Variants in SLCO2A1 observed in about 807,000 individuals in gnomAD.
SLCO2A1 encodes matrin F/G 1.
A neutral mutation model predicts 71.7 loss-of-function variants in SLCO2A1; 60 were observed. The ratio of observed to expected loss-of-function variants is 0.84; its 90% CI spans 0.68 to 1.04. The LOEUF (loss-of-function observed/expected upper bound fraction) is 1.04, where lower values mean the gene tolerates loss of function less well. Among genes scored for constraint, SLCO2A1 ranks in the 50% least tolerant of loss-of-function variants. The pLI is 0.00. For synonymous variants in SLCO2A1, 308 were observed against 326.7 expected (o/e 0.94, Z 0.62); for missense variants, 745 against 813.4 (o/e 0.92, Z 1.02).
chr3:134,005,674 G>C (rs561680905), intron 1 of SLCO2A1, among the ~76,000 whole-genome samples: 23 of 151,918 alleles, frequency 1.5e-4, no homozygotes, highest in Non-Finnish European at 2.6e-4. Flanking sequence ...GTAGAGACAG[G>C]GTTTCACCAT....
intron 2 of SLCO2A1, among the ~76,000 whole-genome samples, chr3:133,977,911 T>G (rs897636791): frequency 5.9e-5 from 9 of 151,462 alleles, no homozygotes; most frequent in Non-Finnish European, 1.3e-4. Context: ...AAGCTCAGGA[T>G]AGCAATACAA....
At chr3:133,947,116 G>A (rs1358719036) in intron 9 of SLCO2A1, 140 bp downstream of exon 9, 11 of 667,864 alleles carry the variant, frequency 1.6e-5, no homozygotes, top group South Asian at 8.9e-5. Flanking sequence ...CCTGGGTGAC[G>A]GAGCGAGACT....
At chr3:133,943,737 A>G (rs1366006967) in intron 10 of SLCO2A1, among the ~76,000 whole-genome samples, 1 of 152,258 alleles carries the variant, frequency 6.6e-6, no homozygotes, top group African/African-American at 2.4e-5. Context: ...AGAAAACCAC[A>G]GAAGCCACCA....
At chr3:133,943,021 A>T (rs1451413492) in intron 10 of SLCO2A1, among the ~76,000 whole-genome samples, 1 of 152,190 alleles carries the variant, frequency 6.6e-6, no homozygotes, top group African/African-American at 2.4e-5. Context: ...CAGAAGTCAT[A>T]TCTGCCTCTG....
chr3:133,941,171 T>C (rs372847663), intron 11 of SLCO2A1, among the ~76,000 whole-genome samples: 127 of 152,300 alleles, frequency 8.3e-4, no homozygotes, highest in African/African-American at 2.9e-3. Flanking sequence ...CACTTATAAA[T>C]AGGGTAAAAT....
rs545488346 is a variant in SLCO2A1 at position 134,028,660 on chromosome 3, C to T, written c.96+1047G>A. Among the ~76,000 whole-genome samples the T allele has an allele frequency of 1.1e-4, 17 of 152,248 alleles. No homozygotes were observed. In the South Asian group the frequency reaches 3.5e-3, roughly 32 times the overall value. ...TCTGGCTTCCCCTTAATTGCACCAC[C>T]GGAGGCTTTACTCAGTCCCATCTGA... On this transcript the variant is annotated intron_variant, in intron 1 of 13. Transcript: ENST00000310926.
intron 1 of SLCO2A1, among the ~76,000 whole-genome samples, chr3:134,008,359 G>A (rs1198894731): frequency 6.6e-6 from 1 of 152,134 alleles, no homozygotes; most frequent in Admixed American, 6.5e-5. Flanking sequence ...TTGATGACAG[G>A]AGGTCAATAA....
chr3:133,998,219 G>A (rs1333770019), intron 1 of SLCO2A1, among the ~76,000 whole-genome samples: 1 of 152,186 alleles, frequency 6.6e-6, no homozygotes, highest in Non-Finnish European at 1.5e-5. Flanking sequence ...CAGCTCTGGG[G>A]AGAGTCTGCT....
intron 1 of SLCO2A1, among the ~76,000 whole-genome samples, chr3:133,981,484 G>A (rs36011147): frequency 2.0e-5 from 3 of 152,200 alleles, no homozygotes; most frequent in African/African-American, 7.2e-5. Flanking sequence ...GGGGAGGTGG[G>A]AGTGCCTTTG....
intron 1 of SLCO2A1, among the ~76,000 whole-genome samples, chr3:133,999,224 G>A (rs931121074): frequency 6.6e-6 from 1 of 152,178 alleles, no homozygotes; most frequent in African/African-American, 2.4e-5. Flanking sequence ...AACACACACT[G>A]TTCAAGACTT....
chr3:133,966,645 C>T (rs1463532963), intron 3 of SLCO2A1, among the ~76,000 whole-genome samples: 1 of 152,222 alleles, frequency 6.6e-6, no homozygotes, highest in Non-Finnish European at 1.5e-5. Context: ...CTGACTGTGT[C>T]CAGTCCAAGC....
chr3:133,935,150 G>C (rs1933237138), intron 13 of SLCO2A1, among the ~76,000 whole-genome samples: 1 of 152,142 alleles, frequency 6.6e-6, no homozygotes, highest in South Asian at 2.1e-4. Flanking sequence ...CAGAAGGAGA[G>C]AGGCATCTTC....
At chr3:134,024,737 G>C (rs1337597097) in intron 1 of SLCO2A1, among the ~76,000 whole-genome samples, 2 of 152,094 alleles carry the variant, frequency 1.3e-5, no homozygotes, top group South Asian at 2.1e-4. Context: ...GAATATAAAC[G>C]CTCCCCATGC....
intron 4 of SLCO2A1, 102 bp from the exon 5 acceptor site, chr3:133,953,863 G>C (rs1933815260): frequency 4.6e-6 from 4 of 861,994 alleles, no homozygotes; most frequent in Admixed American, 2.0e-5. Context: ...CACTTCATCT[G>C]TTCCCAAGCC....
intron 1 of SLCO2A1, among the ~76,000 whole-genome samples, chr3:134,004,675 A>C (rs1162581013): frequency 6.6e-6 from 1 of 152,208 alleles, no homozygotes; most frequent in East Asian, 1.9e-4. Flanking sequence ...CCAAAACAAA[A>C]AAAGGTGAAA....
Position 134,018,965 on chromosome 3 carries a change from G to A in SLCO2A1, c.96+10742C>T, listed in dbSNP as rs566475736. Among the ~76,000 whole-genome samples, 6 of 152,278 alleles carry A rather than the reference G, an allele frequency of 3.9e-5. No individual in the cohort carries two copies. In the South Asian group the frequency reaches 1.2e-3, roughly 32 times the overall value. ...GAAAGCTGCCACATTCTGGAGATGA[G>A]AGTTATGAAGAGGGAAAGGGTATCA... On this transcript the variant is annotated intron_variant, in intron 1 of 13. Coordinates refer to ENST00000310926, the MANE Select transcript of SLCO2A1 (RefSeq NM_005630.3).
At chr3:134,028,203 C>G (rs1935737024) in intron 1 of SLCO2A1, among the ~76,000 whole-genome samples, 1 of 152,174 alleles carries the variant, frequency 6.6e-6, no homozygotes, top group South Asian at 2.1e-4. Flanking sequence ...CCCTCCTGCC[C>G]TTCTTGGTGA....
At chr3:133,955,497 T>C in intron 3 of SLCO2A1, 1 of 385,284 alleles carries the variant, frequency 2.6e-6, no homozygotes, top group Non-Finnish European at 4.7e-6. Context: ...CCATGGGCAC[T>C]GGTGGGGAGC....
chr3:134,017,933 C>A (rs1210338100), intron 1 of SLCO2A1, among the ~76,000 whole-genome samples: 2 of 152,150 alleles, frequency 1.3e-5, no homozygotes, highest in Non-Finnish European at 1.5e-5. Flanking sequence ...TAGTCACTGT[C>A]ACAACAAAAG....
Sources: gnomAD v4.1 joint callset for allele counts (sites outside exome capture counted in the v4.1 genomes callset) on GRCh38, gnomAD v4.1.1 for gene constraint, MANE v1.5 for transcripts, NCBI Gene and HGNC (gene_info 2026-07-23, HGNC 2026-07-21) for gene names.